The following OR51B5 variants were observed in gnomAD, a reference collection of about 807,000 sequenced individuals.
OR51B5 encodes the protein olfactory receptor 51B5.
For missense variants in OR51B5, 456 were observed against 374.6 expected (o/e 1.22, Z -1.79); for synonymous variants, 186 against 144.8 (o/e 1.28, Z -2.04).
intron 1 of OR51B5, chr11:5,456,505 T>C (rs1850963465): frequency 6.6e-6 from 1 of 152,112 alleles, no homozygotes; most frequent in South Asian, 2.1e-4. Flanking sequence ...ACATAATCTT[T>C]TTTGAACTCA....
At chr11:5,487,366 T>G (rs550297210) in intron 1 of OR51B5, among the ~76,000 whole-genome samples, 2 of 152,174 alleles carry the variant, frequency 1.3e-5, no homozygotes, top group Non-Finnish European at 2.9e-5. Flanking sequence ...TTTGTGAAGT[T>G]AGGTCAGATG....
At chr11:5,385,919 A>G (rs1035605903) in intron 1 of OR51B5, among the ~76,000 whole-genome samples, 2 of 148,178 alleles carry the variant, frequency 1.3e-5, no homozygotes, top group Non-Finnish European at 3.0e-5. Context: ...ACATATGTGT[A>G]CTTATATGGA....
intron 1 of OR51B5, among the ~76,000 whole-genome samples, chr11:5,432,267 C>A (rs1850545190): frequency 6.6e-6 from 1 of 152,068 alleles, no homozygotes. Flanking sequence ...CAGGAACATG[C>A]AATATTTCAG....
At chr11:5,415,543 A>G (rs1424524391) in intron 1 of OR51B5, among the ~76,000 whole-genome samples, 1 of 152,166 alleles carries the variant, frequency 6.6e-6, no homozygotes, top group East Asian at 1.9e-4. Context: ...ACTAATAAAG[A>G]AAAAAAGAGA....
intron 1 of OR51B5, among the ~76,000 whole-genome samples, chr11:5,503,311 T>G (rs1211747849): frequency 6.6e-6 from 1 of 152,220 alleles, no homozygotes; most frequent in Non-Finnish European, 1.5e-5. Flanking sequence ...CACAGTCTAA[T>G]TCACCCAGAA....
At chr11:5,434,177 C>A (rs1057266485) in intron 1 of OR51B5, among the ~76,000 whole-genome samples, 4 of 152,134 alleles carry the variant, frequency 2.6e-5, no homozygotes, top group Non-Finnish European at 4.4e-5. Flanking sequence ...TGTTTTAAAG[C>A]TCCTCAGATG....
At chr11:5,351,976 A>C (rs767151444) in intron 1 of OR51B5, 1 of 1,613,204 alleles carries the variant, frequency 6.2e-7, no homozygotes, top group Admixed American at 1.7e-5. Flanking sequence ...CATTATGCCA[A>C]TAGTTGTTCG....
At chr11:5,381,265 T>C (rs182363470) in intron 1 of OR51B5, among the ~76,000 whole-genome samples, 10 of 152,312 alleles carry the variant, frequency 6.6e-5, no homozygotes, top group Non-Finnish European at 1.5e-4. Flanking sequence ...TCACTTTTAG[T>C]AATGGATTTA....
At chr11:5,373,272 T>G (rs934957167) in intron 1 of OR51B5, among the ~76,000 whole-genome samples, 12 of 152,212 alleles carry the variant, frequency 7.9e-5, no homozygotes, top group African/African-American at 1.2e-4. Context: ...AGATATTGTC[T>G]TGATTTGAAG....
At chr11:5,471,224 C>A (rs1450376857) in intron 1 of OR51B5, among the ~76,000 whole-genome samples, 1 of 152,190 alleles carries the variant, frequency 6.6e-6, no homozygotes, top group African/African-American at 2.4e-5. Flanking sequence ...AAATTTATAA[C>A]TCCCTGTAAC....
chr11:5,479,013 C>A (rs1466011779), intron 1 of OR51B5, among the ~76,000 whole-genome samples: 2 of 151,978 alleles, frequency 1.3e-5, no homozygotes, highest in Non-Finnish European at 2.9e-5. Flanking sequence ...ACAGAGAACA[C>A]CATAAAGATA....
chr11:5,490,347 A>G (rs1227150799), intron 1 of OR51B5, among the ~76,000 whole-genome samples: 1 of 152,226 alleles, frequency 6.6e-6, no homozygotes, highest in Non-Finnish European at 1.5e-5. Flanking sequence ...CTTTTTTTAC[A>G]TTACCTCACA....
intron 1 of OR51B5, among the ~76,000 whole-genome samples, chr11:5,377,077 C>G (rs1313305412): frequency 2.6e-5 from 4 of 152,090 alleles, no homozygotes; most frequent in Admixed American, 6.6e-5. Context: ...TACTGGCAAA[C>G]CGAATCCAGC....
At chr11:5,483,508 T>TAAAAAAA (rs373550440) in intron 1 of OR51B5, among the ~76,000 whole-genome samples, 12 of 96,700 alleles carry the variant, frequency 1.2e-4, no homozygotes, top group Non-Finnish European at 1.6e-4. Context: ...AAAGTATAAT[T>TAAAAAAA]AAAAAAAAAA....
chr11:5,497,270 C>T (rs190061492), intron 1 of OR51B5, among the ~76,000 whole-genome samples: 3 of 152,194 alleles, frequency 2.0e-5, no homozygotes, highest in Admixed American at 2.0e-4. Flanking sequence ...ACTAAAAATA[C>T]AAAAATTAGT....
chr11:5,353,468 A>G (rs1849134892), intron 1 of OR51B5, among the ~76,000 whole-genome samples: 1 of 143,760 alleles, frequency 7.0e-6, no homozygotes, highest in Non-Finnish European at 1.6e-5. Context: ...ACAGTTGGTC[A>G]TATGTGGAGA....
intron 1 of OR51B5, among the ~76,000 whole-genome samples, chr11:5,405,611 C>G (rs931566404): frequency 6.6e-6 from 1 of 151,992 alleles, no homozygotes; most frequent in Non-Finnish European, 1.5e-5. Context: ...TTAAATTGGC[C>G]TTATAATGCT....
At chr11:5,349,083 ACTCAAGTCTATT>A (rs1849036279) in intron 1 of OR51B5, among the ~76,000 whole-genome samples, 1 of 152,164 alleles carries the variant, frequency 6.6e-6, no homozygotes, top group African/African-American at 2.4e-5. Context: ...ATTAATAAAA[ACTCAAGTCTATT>A]CTATGACAGA....
intron 1 of OR51B5, among the ~76,000 whole-genome samples, chr11:5,501,549 C>T (rs1470729795): frequency 6.8e-6 from 1 of 147,650 alleles, no homozygotes; most frequent in East Asian, 2.0e-4. Flanking sequence ...GTCTAAGAAG[C>T]TTGACCACAC....
Sources: gnomAD v4.1 joint callset for allele counts (sites outside exome capture counted in the v4.1 genomes callset) on GRCh38, gnomAD v4.1.1 for gene constraint, MANE v1.5 for transcripts, NCBI Gene and HGNC (gene_info 2026-07-23, HGNC 2026-07-21) for gene names.